The following CARD10 variants were observed in gnomAD, a reference collection of about 807,000 sequenced individuals.
The protein encoded by CARD10 is caspase recruitment domain family member 10.
A neutral mutation model predicts 114.6 loss-of-function variants in CARD10; 49 were observed. That is an observed-to-expected ratio of 0.43 (90% CI 0.34 to 0.54). The LOEUF (loss-of-function observed/expected upper bound fraction) is 0.54, where lower values mean the gene tolerates loss of function less well. Ranked by LOEUF, CARD10 falls within the 20% of genes least tolerant of loss-of-function variation. The probability of loss-of-function intolerance (pLI) is 0.03; values close to 1 mark genes in which losing one functional copy is unlikely to be tolerated. For missense variants in CARD10, 1,206 were observed against 1,397.2 expected, an observed-to-expected ratio of 0.86 and a Z score of 2.18; for synonymous variants, 602 against 593.2, an observed-to-expected ratio of 1.01 and a Z score of -0.21.
intron 6 of CARD10, 104 bp downstream of exon 6, chr22:37,507,725 T>C: frequency 7.0e-7 from 1 of 1,420,538 alleles, no homozygotes; most frequent in South Asian, 1.2e-5. Context: ...AGGGAGCGGC[T>C]AACGTCTCTT....
Position 37,497,109 on chromosome 22 carries a change from A to G in CARD10, c.1857T>C (p.Asp619=). 1 of 1,614,214 alleles carries G rather than the reference A, an allele frequency of 6.2e-7. No homozygotes were observed. Among genetic ancestry groups the G allele is most frequent in the Non-Finnish European group, 8.5e-7 (1 of 1,180,042 alleles). The change falls in exon 12 of 20, where the codon GAT becomes GAC. Residue 619 remains aspartate (D), a synonymous_variant. Transcript: ENST00000251973. ...ATCTGTCCCCATAAAACGACAGTCC[A>G]TCTGGTCCCTTGTCCTGCGGCTCTG... ...GGPEPQDKGP[D]GLSFYGDRWS...
intron 11 of CARD10, among the ~76,000 whole-genome samples, chr22:37,499,634 C>T (rs1000870171): frequency 1.3e-5 from 2 of 152,088 alleles, no homozygotes; most frequent in African/African-American, 4.8e-5. Context: ...TCCCTGAAGA[C>T]CCAGCTCAGG....
rs757382127 is a variant in CARD10, at chr22:37,497,088, G to C, written c.1878C>G (p.Asp626Glu). 6.2e-7 allele frequency: 1 copy of C among 1,614,214 alleles called. No individual in the cohort carries two copies. Among genetic ancestry groups the C allele is most frequent in the Non-Finnish European group, 8.5e-7 (1 of 1,180,038 alleles). Residue 626 changes from aspartate (D) to glutamate (E), a missense_variant, in exon 12 of 20, where the codon GAC becomes GAG. Asp to Glu is a conservative substitution (Grantham distance 45). Around this residue, in one of 2 missense-constraint regions of CARD10, gnomAD observed 1,068 missense variants for 1,179.1 expected, o/e 0.91. Transcript: ENST00000251973. ...KGPDGLSFYG[D>E]RWSGAVVRRV... ...TGCGCACCACAGCCCCAGACCATCT[G>C]TCCCCATAAAACGACAGTCCATCTG...
chr22:37,515,604 AC>A (rs1303623153), intron 3 of CARD10, among the ~76,000 whole-genome samples: 1 of 151,312 alleles, frequency 6.6e-6, no homozygotes, highest in Admixed American at 6.6e-5. Flanking sequence ...AATCCTCATA[AC>A]CCAGTGTTTC....
chr22:37,518,852 C>T lies in CARD10; in HGVS notation c.235+114G>A, dbSNP rs377218895. ...ACCCAGCCGGCCCACTCTACTGATG[C>T]GGAGACCGAGCCCCAGGGCAGCAGA... On this transcript the variant is annotated intron_variant, in intron 1 of 19. Transcript: ENST00000251973. 9 of 1,297,620 alleles carry T rather than the reference C, an allele frequency of 6.9e-6. No individual in the cohort carries two copies. In the South Asian group the frequency reaches 7.8e-5, roughly 11 times the overall value. The allele number at this position is 1,297,620 out of a possible 1,614,324, so 80.4% of individuals were successfully genotyped here.
At chr22:37,512,956 T>C (rs1375463351) in intron 3 of CARD10, among the ~76,000 whole-genome samples, 1 of 152,152 alleles carries the variant, frequency 6.6e-6, no homozygotes, top group Admixed American at 6.6e-5. Flanking sequence ...CACCTGCCTA[T>C]GGGAGGTGGG....
At position 37,508,806 on chromosome 22, in the gene CARD10, C is replaced by G. The variant is rs1018693354; in HGVS notation, c.910-124G>C. 2.4e-6 allele frequency: 3 copies of G among 1,258,662 alleles called. No homozygotes were observed. The South Asian group carries it at 4.4e-5, about 18-fold the overall frequency. The allele number at this position is 1,258,662 out of a possible 1,614,324, so 78.0% of individuals were successfully genotyped here. On this transcript the variant is annotated intron_variant, in intron 4 of 19. Coordinates refer to ENST00000251973, the MANE Select transcript of CARD10 (RefSeq NM_014550.4). ...CCTGACCAGCTCTGCCATGCTGGCC[C>G]GGGGCCTCGACCCTCTCTGGATCTC...
Position 37,510,209 on chromosome 22 carries a change from T to C in CARD10, c.909+3A>G. 6.3e-7 allele frequency: 1 copy of C among 1,599,560 alleles called. No homozygotes were observed. The highest frequency in any genetic ancestry group is 1.1e-5 in the South Asian group (1 of 91,058). On this transcript the variant is annotated splice_donor_region_variant and intron_variant, in intron 4 of 19. Coordinates refer to ENST00000251973, the MANE Select transcript of CARD10 (RefSeq NM_014550.4). The stretch of plus-strand genomic sequence containing the variant: ...CTGTGCCCACAAGCCCTGGCCCTGG[T>C]ACCTGCTGCAGGCCCTCCTGCAACT...
rs762467576 is a variant in CARD10, at chr22:37,504,699, G to T, written c.1454C>A (p.Pro485His). 8.8e-6 allele frequency: 14 copies of T among 1,582,482 alleles called. No individual in the cohort carries two copies. The highest frequency in any genetic ancestry group is 1.2e-5 in the Non-Finnish European group (14 of 1,165,788). The change falls in exon 8 of 20, where the codon CCT becomes CAT. Residue 485 changes from proline to histidine, a missense_variant. Coordinates refer to ENST00000251973, the MANE Select transcript of CARD10 (RefSeq NM_014550.4). ...STWSLSEFPS[P>H]LGGPEATGEA... ...CCCAGTTGCTTCTGGGCCTCCCAGAGGGGAGGGGAACTCGCTCAGGCTCCA... is the reference window on the plus strand; with the variant it reads ...CCCAGTTGCTTCTGGGCCTCCCAGATGGGAGGGGAACTCGCTCAGGCTCCA...
At chr22:37,502,566 C>A in intron 11 of CARD10, 36 bp downstream of exon 11, 1 of 1,595,608 alleles carries the variant, frequency 6.3e-7, no homozygotes, top group South Asian at 1.1e-5. Flanking sequence ...CTCAAGCAAT[C>A]ACCCCAGCTC....
At chr22:37,502,518 C>T (rs180950942) in intron 11 of CARD10, 84 bp downstream of exon 11, 25 of 1,444,278 alleles carry the variant, frequency 1.7e-5, no homozygotes, top group East Asian at 7.0e-5. Context: ...AAAACAGGGG[C>T]GAGGCAATTG....
Position 37,504,778 on chromosome 22 carries a change from GGGAGA to G in CARD10, c.1384-14_1384-10del. On this transcript the variant is annotated splice_polypyrimidine_tract_variant and intron_variant, in intron 7 of 19. Coordinates refer to ENST00000251973, the MANE Select transcript of CARD10 (RefSeq NM_014550.4). ...TGGGAGGAGGCACAGGCCTGGAAGA[GGGAGA>G]GGAGAGGAAGGAGGTGAGCAGTGCT... 1 of 1,512,912 alleles carries G rather than the reference GGGAGA, an allele frequency of 6.6e-7. No homozygotes were observed. Among genetic ancestry groups the G allele is most frequent in the Non-Finnish European group, 8.8e-7 (1 of 1,131,058 alleles). 93.7% of individuals were successfully genotyped at this position (1,512,912 alleles called of 1,614,324 possible).
At chr22:37,514,538 C>G (rs1923769593) in intron 3 of CARD10, 2 of 152,632 alleles carry the variant, frequency 1.3e-5, no homozygotes, top group South Asian at 4.1e-4. Flanking sequence ...TCAAGCAGGA[C>G]CAGCAGCCTG....
chr22:37,505,599 C>T (rs1923377518), intron 7 of CARD10, among the ~76,000 whole-genome samples: 1 of 151,074 alleles, frequency 6.6e-6, no homozygotes, highest in Non-Finnish European at 1.5e-5. Context: ...TAACTTGAAC[C>T]TGGGATCCAG....
intron 15 of CARD10, 30 bp downstream of exon 15, chr22:37,495,487 C>T (rs1420709475): frequency 6.3e-7 from 1 of 1,584,526 alleles, no homozygotes; most frequent in Non-Finnish European, 8.6e-7. Context: ...CTTGGGGCCC[C>T]CCACCCACTA....
rs1922988557 is a variant in CARD10 at position 37,495,935 on chromosome 22, G to A, written c.2128C>T (p.Arg710Cys). 1.2e-6 allele frequency: 2 copies of A among 1,614,186 alleles called. No individual in the cohort carries two copies. The highest frequency in any genetic ancestry group is 2.2e-5 in the South Asian group (2 of 91,092). The change falls in exon 14 of 20, where the codon CGT (arginine) becomes TGT (cysteine). Residue 710 changes from arginine to cysteine, a missense_variant. Physicochemically the swap from Arg to Cys is radical, Grantham distance 180. Coordinates refer to ENST00000251973, the MANE Select transcript of CARD10 (RefSeq NM_014550.4). ...CTCTCAGGCAAGGTGAGGTTGGCACGAATGTAGAAGGGCTCGGCACCTGGT... is the reference window on the plus strand; with the variant it reads ...CTCTCAGGCAAGGTGAGGTTGGCACAAATGTAGAAGGGCTCGGCACCTGGT... ...KGPGAEPFYIRANLTLPERAD... is the reference protein window; with the variant it reads ...KGPGAEPFYICANLTLPERAD...
intron 8 of CARD10, 147 bp downstream of exon 8, chr22:37,504,488 G>A (rs1923334632): frequency 3.0e-6 from 4 of 1,340,380 alleles, no homozygotes; most frequent in Non-Finnish European, 4.0e-6. Flanking sequence ...CAAGGAAATG[G>A]TTCTGGGTGA....
In CARD10 at chr22:37,504,250, A is replaced by T. The variant is rs768936084; in HGVS notation, c.1570T>A (p.Phe524Ile). 1.0e-5 allele frequency: 16 copies of T among 1,580,682 alleles called. No individual in the cohort carries two copies. The Middle Eastern group carries it at 6.6e-4, about 65-fold the overall frequency. Residue 524 changes from phenylalanine (F) to isoleucine (I), a missense_variant, in exon 9 of 20, where the codon TTC becomes ATC. Phe to Ile is a conservative substitution (Grantham distance 21). Transcript: ENST00000251973. ...KEINRLSILPFPPSAGSILRR... is the reference protein window; with the variant it reads ...KEINRLSILPIPPSAGSILRR... ...AGGATGGAGCCGGCACTGGGGGGGA[A>T]GGGCAGGATGGAGAGCCGATTGATC...
At position 37,518,922 on chromosome 22, in the gene CARD10, C is replaced by A. The variant is rs551599374; in HGVS notation, c.235+44G>T. Reference sequence around the variant, plus strand: ...CGGCTGTGGGCGCTGCGCCCCAGGGCACGGCCGGCCCAGGTCGTGGCCCAC... The same window carrying A: ...CGGCTGTGGGCGCTGCGCCCCAGGGAACGGCCGGCCCAGGTCGTGGCCCAC... On this transcript the variant is annotated intron_variant, in intron 1 of 19. Coordinates refer to ENST00000251973, the MANE Select transcript of CARD10 (RefSeq NM_014550.4). 40 of 1,481,634 alleles carry A rather than the reference C, an allele frequency of 2.7e-5. No individual in the cohort carries two copies. In the African/African-American group the frequency reaches 4.9e-4, roughly 18 times the overall value. 91.8% of individuals were successfully genotyped at this position (1,481,634 alleles called of 1,614,324 possible). A position where few individuals can be genotyped will look rare whatever the true frequency, so the allele number is the denominator to read the frequency against.
Sources: gnomAD v4.1 joint callset for allele counts (sites outside exome capture counted in the v4.1 genomes callset) on GRCh38, gnomAD v4.1.1 for gene constraint, gnomAD v4.1.1 regional missense constraint, MANE v1.5 for transcripts, NCBI Gene and HGNC (gene_info 2026-07-23, HGNC 2026-07-21) for gene names.